Variants in SHQ1 observed in about 807,000 individuals in gnomAD.
SHQ1 encodes SHQ1, H/ACA ribonucleoprotein assembly factor, also known as protein SHQ1 homolog.
SHQ1 carries 49 observed loss-of-function variants against 53.8 expected under a neutral mutation model. The ratio of observed to expected loss-of-function variants is 0.91; its 90% CI spans 0.72 to 1.16. The LOEUF is 1.16. Among genes scored for constraint, SHQ1 ranks in the 50% most tolerant of loss-of-function variants. The pLI is 0.00. For synonymous variants in SHQ1, 243 were observed against 251.0 expected (o/e 0.97, Z 0.30); for missense variants, 738 against 683.1 (o/e 1.08, Z -0.90).
chr3:72,760,582 T>C (rs1162614466), intron 10 of SHQ1, among the ~76,000 whole-genome samples: 1 of 152,112 alleles, frequency 6.6e-6, no homozygotes, highest in Non-Finnish European at 1.5e-5. Context: ...ACTGGAAGAG[T>C]TGCTACAAGA....
intron 10 of SHQ1, among the ~76,000 whole-genome samples, chr3:72,777,642 G>C (rs1705985402): frequency 6.6e-6 from 1 of 152,194 alleles, no homozygotes; most frequent in Non-Finnish European, 1.5e-5. Context: ...AAAACAGTTT[G>C]ACACTGCCCA....
At chr3:72,834,301 G>A (rs1376581054) in intron 4 of SHQ1, among the ~76,000 whole-genome samples, 1 of 152,208 alleles carries the variant, frequency 6.6e-6, no homozygotes, top group Non-Finnish European at 1.5e-5. Flanking sequence ...GGCCAAGGCG[G>A]GCGGATCACC....
intron 10 of SHQ1, among the ~76,000 whole-genome samples, chr3:72,751,508 G>GTGTATATATATATATATATATATATA (rs1210782182): frequency 8.5e-6 from 1 of 116,984 alleles, no homozygotes; most frequent in African/African-American, 4.4e-5. Flanking sequence ...GTGTGTGTGT[G>GTGTATATATATATATATATATATATA]TATATATATA....
At chr3:72,739,788 AG>A in the SHQ1 span, among the ~76,000 whole-genome samples, 2 of 152,236 alleles carry the variant, frequency 1.3e-5, no homozygotes, top group Non-Finnish European at 2.9e-5. Context: ...GGAGTGGGGC[AG>A]GGGGCAGACC....
chr3:72,818,721 T>C (rs1707387178), intron 6 of SHQ1, among the ~76,000 whole-genome samples: 1 of 152,234 alleles, frequency 6.6e-6, no homozygotes, highest in South Asian at 2.1e-4. Flanking sequence ...TCCATGATTA[T>C]ATTCCATTAT....
chr3:72,799,496 T>C (rs2106818127), intron 9 of SHQ1, among the ~76,000 whole-genome samples: 1 of 152,332 alleles, frequency 6.6e-6, no homozygotes, highest in East Asian at 1.9e-4. Flanking sequence ...TTTGCTTTAA[T>C]ACCAGGCCCT....
chr3:72,815,865 G>A (rs1292172638), intron 7 of SHQ1, among the ~76,000 whole-genome samples: 1 of 152,126 alleles, frequency 6.6e-6, no homozygotes, highest in Non-Finnish European at 1.5e-5. Flanking sequence ...GTAAATGCTA[G>A]AGAAGGTCTC....
At chr3:72,728,425 GC>G in the SHQ1 span, among the ~76,000 whole-genome samples, 1 of 152,166 alleles carries the variant, frequency 6.6e-6, no homozygotes. Flanking sequence ...TGCACTAGAG[GC>G]CCGAGGCAGC....
intron 10 of SHQ1, among the ~76,000 whole-genome samples, chr3:72,774,916 A>G (rs2106745613): frequency 6.6e-6 from 1 of 152,228 alleles, no homozygotes; most frequent in East Asian, 1.9e-4. Context: ...GGAGTTCAAG[A>G]CCAGCCTGAC....
intron 10 of SHQ1, among the ~76,000 whole-genome samples, chr3:72,761,110 CACAGACT>C (rs1278136393): frequency 1.3e-5 from 2 of 152,168 alleles, no homozygotes; most frequent in African/African-American, 4.8e-5. Context: ...ATATATCTGA[CACAGACT>C]ACAGATCCCA....
chr3:72,839,118 GT>G (rs1428748320), intron 4 of SHQ1, among the ~76,000 whole-genome samples: 3 of 152,134 alleles, frequency 2.0e-5, no homozygotes, highest in Admixed American at 2.0e-4. Context: ...CAACAATTAA[GT>G]AACAAATCCC....
chr3:72,827,466 C>A (rs949880597), intron 5 of SHQ1, among the ~76,000 whole-genome samples: 1 of 151,924 alleles, frequency 6.6e-6, no homozygotes, highest in Non-Finnish European at 1.5e-5. Context: ...TGTTTTCCTC[C>A]CCAAGGGACC....
At chr3:72,827,948 G>C (rs1707710559) in intron 5 of SHQ1, among the ~76,000 whole-genome samples, 1 of 151,692 alleles carries the variant, frequency 6.6e-6, no homozygotes, top group Non-Finnish European at 1.5e-5. Context: ...GTAGAGATGG[G>C]GTTTCACCAT....
intron 9 of SHQ1, among the ~76,000 whole-genome samples, chr3:72,796,676 C>G (rs779939016): frequency 2.7e-5 from 4 of 150,716 alleles, no homozygotes; most frequent in Admixed American, 6.6e-5. Context: ...AAAAATTAGT[C>G]GGGCATGGTG....
At chr3:72,765,381 C>A (rs976213362) in intron 10 of SHQ1, among the ~76,000 whole-genome samples, 1 of 151,534 alleles carries the variant, frequency 6.6e-6, no homozygotes, top group Non-Finnish European at 1.5e-5. Flanking sequence ...GCTCTACCTC[C>A]AGACTGCACT....
At chr3:72,766,702 C>T (rs1235976251) in intron 10 of SHQ1, among the ~76,000 whole-genome samples, 1 of 152,176 alleles carries the variant, frequency 6.6e-6, no homozygotes, top group Non-Finnish European at 1.5e-5. Context: ...TTCAGCACAT[C>T]CAAGCCCCTG....
chr3:72,758,421 C>T (rs1382503888), intron 10 of SHQ1, among the ~76,000 whole-genome samples: 5 of 152,146 alleles, frequency 3.3e-5, no homozygotes, highest in Non-Finnish European at 5.9e-5. Context: ...TGAGAAACAT[C>T]ATCTAGTCCA....
the SHQ1 span, among the ~76,000 whole-genome samples, chr3:72,733,166 G>A: frequency 6.6e-6 from 1 of 151,668 alleles, no homozygotes; most frequent in East Asian, 1.9e-4. Flanking sequence ...GGGCAGCAAT[G>A]GATGAGACAT....
the SHQ1 span, among the ~76,000 whole-genome samples, chr3:72,730,038 T>A: frequency 6.6e-6 from 1 of 152,196 alleles, no homozygotes; most frequent in Admixed American, 6.5e-5. Context: ...CAGGATGGTC[T>A]CGATCTCCTG....
Sources: allele counts gnomAD v4.1 joint callset (sites outside exome capture counted in the v4.1 genomes callset), GRCh38; gene constraint gnomAD v4.1.1; transcripts MANE v1.5; gene names NCBI Gene and HGNC (gene_info 2026-07-23, HGNC 2026-07-21).